The following L3MBTL1 variants were observed in gnomAD, a reference collection of about 807,000 sequenced individuals.
L3MBTL1 encodes the protein L3MBTL histone methyl-lysine binding protein 1, also known as lethal(3)malignant brain tumor-like protein 1.
A neutral mutation model predicts 105.3 loss-of-function variants in L3MBTL1; 75 were observed. That is an observed-to-expected ratio of 0.71 (90% CI 0.59 to 0.86). The LOEUF is 0.86. Ranked by LOEUF, L3MBTL1 falls within the 40% of genes least tolerant of loss-of-function variation. The pLI is 0.00. For missense variants in L3MBTL1, 1,069 were observed against 1,126.4 expected (o/e 0.95, Z 0.73); for synonymous variants, 452 against 436.2 (o/e 1.04, Z -0.45).
At chr20:43,514,121 AG>A (rs2018227012) in intron 3 of L3MBTL1, 60 bp downstream of exon 3, 1 of 1,386,100 alleles carries the variant, frequency 7.2e-7, no homozygotes, top group African/African-American at 1.4e-5. Context: ...CGGGGCTTGC[AG>A]GCCCGGAGGC....
chr20:43,526,779 C>T (rs1186206129), intron 7 of L3MBTL1, among the ~76,000 whole-genome samples: 1 of 152,108 alleles, frequency 6.6e-6, no homozygotes, highest in East Asian at 1.9e-4. Flanking sequence ...GGTGAAACCC[C>T]GTCTCTACTA....
chr20:43,513,189 T>G (rs923528677), intron 1 of L3MBTL1, among the ~76,000 whole-genome samples: 1 of 151,922 alleles, frequency 6.6e-6, no homozygotes, highest in Non-Finnish European at 1.5e-5. Flanking sequence ...CTCCCCAGAG[T>G]CAGTTTTGTA....
At chr20:43,526,351 T>C (rs2019032106) in intron 7 of L3MBTL1, among the ~76,000 whole-genome samples, 1 of 152,184 alleles carries the variant, frequency 6.6e-6, no homozygotes, top group African/African-American at 2.4e-5. Flanking sequence ...GGAATCCCAG[T>C]GGCAAGAAGC....
chr20:43,548,340 C>T (rs1978768266), exon 19 of L3MBTL1: 2 of 1,083,010 alleles, frequency 1.8e-6, no homozygotes, highest in Admixed American at 2.5e-5. Context: ...CCCCACACGT[C>T]CCCATGCTCC....
chr20:43,535,253 G>A (rs902935506), intron 16 of L3MBTL1, among the ~76,000 whole-genome samples: 6 of 152,170 alleles, frequency 3.9e-5, no homozygotes, highest in African/African-American at 7.2e-5. Flanking sequence ...GAGCCACACT[G>A]AGCGTGCACT....
At position 43,515,102 on chromosome 20, in the gene L3MBTL1, C is replaced by T. The variant is rs1170849634; in HGVS notation, c.596C>T (p.Ala199Val). ...TGCCAGGCGTGCGGGCCTCACCAAG[C>T]CGCGGGTCCAGATCTTGGTTCCTCT... Reference protein sequence around the residue: ...CQCQACGPHQAAGPDLGSSND... With the variant: ...CQCQACGPHQVAGPDLGSSND... The change falls in exon 5 of 22, where the codon GCC (alanine) becomes GTC (valine). Residue 199 changes from alanine to valine, a missense_variant. Physicochemically the swap from Ala to Val is moderately conservative, Grantham distance 64. Transcript: ENST00000418998. 2 of 1,614,172 alleles carry T rather than the reference C, an allele frequency of 1.2e-6. No homozygotes were observed. Among genetic ancestry groups the T allele is most frequent in the Non-Finnish European group, 8.5e-7 (1 of 1,179,994 alleles).
At chr20:43,535,998 A>G in intron 17 of L3MBTL1, 62 bp downstream of exon 17, 6 of 1,585,672 alleles carry the variant, frequency 3.8e-6, no homozygotes, top group Non-Finnish European at 5.2e-6. Context: ...CATGCAGGCG[A>G]CTGGGGTCCA....
chr20:43,514,203 C>G, intron 3 of L3MBTL1, 142 bp downstream of exon 3: 1 of 831,966 alleles, frequency 1.2e-6, no homozygotes, highest in Admixed American at 2.6e-5. Flanking sequence ...GAGTGAGGGA[C>G]TCTCGGGGCG....
chr20:43,508,283 G>T (rs904213322), intron 1 of L3MBTL1, among the ~76,000 whole-genome samples: 4 of 151,922 alleles, frequency 2.6e-5, no homozygotes, highest in African/African-American at 9.7e-5. Flanking sequence ...GGAACTGTCG[G>T]ATCAGTGACC....
At chr20:43,531,116 G>A (rs541332375) in intron 11 of L3MBTL1, 99 of 551,734 alleles carry the variant, frequency 1.8e-4, no homozygotes, top group African/African-American at 1.8e-3. Flanking sequence ...TGCTACTGCA[G>A]ATACCCTGTC....
chr20:43,527,488 G>A (rs1243209540), intron 7 of L3MBTL1, among the ~76,000 whole-genome samples: 3 of 149,012 alleles, frequency 2.0e-5, no homozygotes, highest in Non-Finnish European at 3.0e-5. Context: ...CCCTCCCCAG[G>A]ACCCTGAGAC....
intron 7 of L3MBTL1, among the ~76,000 whole-genome samples, chr20:43,527,351 C>T (rs1378383275): frequency 6.6e-6 from 1 of 152,222 alleles, no homozygotes; most frequent in Non-Finnish European, 1.5e-5. Context: ...CGACTGGAGG[C>T]AGCTCATGCT....
In L3MBTL1 at chr20:43,541,199, T is replaced by C; in HGVS notation, c.*71T>C. 1 of 1,559,124 alleles carries C rather than the reference T, an allele frequency of 6.4e-7. No homozygotes were observed. The highest frequency in any genetic ancestry group is 8.7e-7 in the Non-Finnish European group (1 of 1,150,636). ...TGTATTTTGAATGACACAGATATTG[T>C]GATTTACTGCAAGGATCCTAACACA... On this transcript the variant is annotated 3_prime_UTR_variant, in exon 22 of 22. Transcript: ENST00000418998.
chr20:43,537,384 C>G (rs1377848201), intron 19 of L3MBTL1, among the ~76,000 whole-genome samples: 1 of 152,218 alleles, frequency 6.6e-6, no homozygotes, highest in African/African-American at 2.4e-5. Context: ...CTCACATGGT[C>G]TTTCTTCTGT....
chr20:43,530,493 G>A (rs1333344317), intron 10 of L3MBTL1, 74 bp downstream of exon 10: 41 of 1,503,626 alleles, frequency 2.7e-5, no homozygotes, highest in Non-Finnish European at 3.4e-5. Context: ...TTGGGTCCCC[G>A]GCTTCCAGCT....
At position 43,534,287 on chromosome 20, in the gene L3MBTL1, C is replaced by T. The variant is rs765009782; in HGVS notation, c.1603C>T (p.Pro535Ser). ...AVPTWAFKVR[P>S]PHSFLVNMKL... ...AAGGCAGCTGTCCCCTCTGCAGCGACCCCCTCACAGCTTCCTGGTCAATAT... is the reference window on the plus strand; with the variant it reads ...AAGGCAGCTGTCCCCTCTGCAGCGATCCCCTCACAGCTTCCTGGTCAATAT... The change falls in exon 15 of 22, where the codon CCC becomes TCC. Residue 535 changes from proline (P) to serine (S), a missense_variant. Pro to Ser is a moderately conservative substitution (Grantham distance 74, BLOSUM62 -1). Coordinates refer to ENST00000418998, the MANE Select transcript of L3MBTL1 (RefSeq NM_001377303.1). The T allele has an allele frequency of 6.2e-7, 1 of 1,613,610 alleles. No individual in the cohort carries two copies. Among genetic ancestry groups the T allele is most frequent in the South Asian group, 1.1e-5 (1 of 91,048 alleles).
chr20:43,536,265 C>T lies in L3MBTL1; in HGVS notation c.2094C>T (p.Ser698=). 2 of 1,612,264 alleles carry T rather than the reference C, an allele frequency of 1.2e-6. No individual in the cohort carries two copies. The highest frequency in any genetic ancestry group is 1.1e-5 in the South Asian group (1 of 90,982). Residue 698 remains serine (S), a synonymous_variant, in exon 18 of 22, where the codon TCC becomes TCT. Coordinates refer to ENST00000418998, the MANE Select transcript of L3MBTL1 (RefSeq NM_001377303.1). The part of the protein sequence containing the change: ...SARKKNLSGF[S]PRKKPRHHGR... The stretch of plus-strand genomic sequence containing the variant: ...GCAAGAAGAACCTCTCAGGCTTCTC[C>T]CCAAGGAAGAAGCCTCGCCATCACG...
intron 6 of L3MBTL1, 31 bp downstream of exon 6, chr20:43,515,446 G>C (rs1300740542): frequency 6.5e-7 from 1 of 1,546,614 alleles, no homozygotes; most frequent in Non-Finnish European, 8.8e-7. Flanking sequence ...AAGGGAGGGG[G>C]AAGCTATAGC....
chr20:43,543,694 A>G (rs899028660), downstream of L3MBTL1, among the ~76,000 whole-genome samples: 2 of 152,168 alleles, frequency 1.3e-5, no homozygotes, highest in East Asian at 3.9e-4. Flanking sequence ...ATGATTGGGT[A>G]TTCAGGGACA....
Sources: gnomAD v4.1 joint callset for allele counts (sites outside exome capture counted in the v4.1 genomes callset) on GRCh38, gnomAD v4.1.1 for gene constraint, MANE v1.5 for transcripts, NCBI Gene and HGNC (gene_info 2026-07-23, HGNC 2026-07-21) for gene names.